The following ASTN2 variants were observed in gnomAD, a reference collection of about 807,000 sequenced individuals.
ASTN2 encodes the protein astrotactin 2, also known as astrotactin-2.
A neutral mutation model predicts 139.8 loss-of-function variants in ASTN2; 54 were observed. The observed-to-expected ratio is 0.39, with a 90% CI of 0.31 to 0.48. The LOEUF is 0.48. Ranked by LOEUF, ASTN2 falls within the 20% of genes least tolerant of loss-of-function variation. The pLI, the probability that ASTN2 is intolerant of heterozygous loss-of-function variation, is 0.95. For synonymous variants in ASTN2, 756 were observed against 719.5 expected (o/e 1.05, Z -0.81); for missense variants, 1,565 against 1,725.1 (o/e 0.91, Z 1.64).
chr9:116,431,742 C>T (rs1847504351), intron 22 of ASTN2, among the ~76,000 whole-genome samples: 1 of 152,062 alleles, frequency 6.6e-6, no homozygotes, highest in South Asian at 2.1e-4. Flanking sequence ...TACATCTAAT[C>T]CCTAACCCAA....
intron 2 of ASTN2, among the ~76,000 whole-genome samples, chr9:117,282,565 C>A (rs1001397283): frequency 1.3e-5 from 2 of 152,184 alleles, no homozygotes; most frequent in Admixed American, 6.5e-5. Flanking sequence ...TGTGCACCCC[C>A]TGTAAAAGAA....
chr9:116,544,284 T>C lies in ASTN2; in HGVS notation c.3356-56784A>G, dbSNP rs533689308. Among the ~76,000 whole-genome samples, 10 of 152,154 alleles carry C rather than the reference T, an allele frequency of 6.6e-5. No homozygotes were observed. The South Asian group carries it at 8.3e-4, about 13-fold the overall frequency. On this transcript the variant is annotated intron_variant, in intron 19 of 22. Transcript: ENST00000313400. ...GTCCCCAGATATTTGGGGGAGGAGA[T>C]AGGAGCAACCCAGAAACCCTCCATG...
At chr9:116,654,087 T>C (rs962545003) in intron 16 of ASTN2, among the ~76,000 whole-genome samples, 3 of 152,242 alleles carry the variant, frequency 2.0e-5, no homozygotes, top group Admixed American at 6.5e-5. Context: ...AGAATAGCCG[T>C]TCGGGGAGAA....
At chr9:116,822,103 A>AACTCCCC (rs1177491097) in intron 11 of ASTN2, among the ~76,000 whole-genome samples, 1 of 151,894 alleles carries the variant, frequency 6.6e-6, no homozygotes, top group Non-Finnish European at 1.5e-5. Context: ...CCCACCGGCC[A>AACTCCCC]ACTCCCCGCT....
intron 17 of ASTN2, among the ~76,000 whole-genome samples, chr9:116,626,624 G>A (rs1856476847): frequency 6.6e-6 from 1 of 152,058 alleles, no homozygotes; most frequent in African/African-American, 2.4e-5. Flanking sequence ...ACAGCTTGGA[G>A]GACAGTGGGG....
chr9:116,784,957 G>A, intron 13 of ASTN2, among the ~76,000 whole-genome samples: 1 of 151,436 alleles, frequency 6.6e-6, no homozygotes, highest in African/African-American at 2.4e-5. Flanking sequence ...AAAATAAGAG[G>A]AGCAAGAAAT....
chr9:117,223,367 A>T (rs1832592479), intron 2 of ASTN2, among the ~76,000 whole-genome samples: 1 of 152,208 alleles, frequency 6.6e-6, no homozygotes, highest in South Asian at 2.1e-4. Flanking sequence ...GGACAGCCAC[A>T]TACAACAAAG....
At chr9:116,900,415 C>A (rs1297508080) in intron 10 of ASTN2, among the ~76,000 whole-genome samples, 1 of 152,128 alleles carries the variant, frequency 6.6e-6, no homozygotes, top group Non-Finnish European at 1.5e-5. Flanking sequence ...CTTCTCCCCC[C>A]TCACCACATT....
At chr9:117,206,692 A>G (rs898527221) in intron 3 of ASTN2, among the ~76,000 whole-genome samples, 3 of 152,140 alleles carry the variant, frequency 2.0e-5, no homozygotes, top group Admixed American at 6.5e-5. Context: ...AGAGCAGAGA[A>G]ACCAACCCCC....
intron 19 of ASTN2, among the ~76,000 whole-genome samples, chr9:116,500,315 G>A (rs1411040033): frequency 6.6e-6 from 1 of 152,222 alleles, no homozygotes; most frequent in African/African-American, 2.4e-5. Context: ...CACAATGGAA[G>A]TGAAAATTTC....
chr9:117,011,455 A>C (rs1016217976), intron 6 of ASTN2, among the ~76,000 whole-genome samples: 16 of 152,216 alleles, frequency 1.1e-4, no homozygotes, highest in African/African-American at 2.2e-4. Flanking sequence ...GACCCTTATC[A>C]AACACTTAAT....
chr9:116,675,094 G>A (rs1362566836), intron 16 of ASTN2, among the ~76,000 whole-genome samples: 2 of 152,002 alleles, frequency 1.3e-5, no homozygotes, highest in Non-Finnish European at 2.9e-5. Flanking sequence ...ATGGTTCAGT[G>A]CCCCCCCACG....
chr9:117,198,996 A>C (rs1363152213), intron 3 of ASTN2, among the ~76,000 whole-genome samples: 1 of 151,976 alleles, frequency 6.6e-6, no homozygotes, highest in East Asian at 1.9e-4. Flanking sequence ...TTTTCTTGTA[A>C]ATATGTTTAA....
At chr9:117,365,614 A>C (rs1347972069) in intron 1 of ASTN2, among the ~76,000 whole-genome samples, 1 of 152,180 alleles carries the variant, frequency 6.6e-6, no homozygotes, top group Non-Finnish European at 1.5e-5. Context: ...TTCCACTCAC[A>C]GTTATGTGAG....
chr9:117,102,787 G>T (rs577518607), intron 4 of ASTN2, among the ~76,000 whole-genome samples: 4 of 152,206 alleles, frequency 2.6e-5, no homozygotes, highest in Non-Finnish European at 5.9e-5. Context: ...CTCCCAAAGT[G>T]CTGGGATTAC....
intron 4 of ASTN2, among the ~76,000 whole-genome samples, chr9:117,124,808 G>GAAA (rs56107557): frequency 1.5e-5 from 2 of 130,072 alleles, no homozygotes; most frequent in Non-Finnish European, 3.2e-5. Flanking sequence ...CTGCCACCAT[G>GAAA]AAAAAAAAAA....
At chr9:117,379,541 T>C (rs892820038) in intron 1 of ASTN2, among the ~76,000 whole-genome samples, 1 of 152,298 alleles carries the variant, frequency 6.6e-6, no homozygotes, top group East Asian at 1.9e-4. Context: ...CCATTAGCAG[T>C]GTAAATGTTT....
rs142998941 is a variant in ASTN2, at chr9:117,322,749, T to A, written c.443-31236A>T. On this transcript the variant is annotated intron_variant, in intron 1 of 22. Transcript: ENST00000313400. ...CAGTGAAGTGGCAGGCAGGTTGGTATGAGCTTTGTTGATGTGTATGCCTGG... is the reference window on the plus strand; with the variant it reads ...CAGTGAAGTGGCAGGCAGGTTGGTAAGAGCTTTGTTGATGTGTATGCCTGG... Among the ~76,000 whole-genome samples, 85 of 152,214 alleles carry A rather than the reference T, an allele frequency of 5.6e-4. No homozygotes were observed. In the East Asian group the frequency reaches 0.016, roughly 29 times the overall value.
At chr9:116,713,529 C>T (rs72763938) in intron 16 of ASTN2, among the ~76,000 whole-genome samples, 4,004 of 152,210 alleles carry the variant, frequency 0.026, 60 homozygotes, top group Non-Finnish European at 0.035. Flanking sequence ...TACATCCTGC[C>T]GATCAATCTC....
Sources: gnomAD v4.1 joint callset for allele counts (sites outside exome capture counted in the v4.1 genomes callset) on GRCh38, gnomAD v4.1.1 for gene constraint, MANE v1.5 for transcripts, NCBI Gene and HGNC (gene_info 2026-07-23, HGNC 2026-07-21) for gene names.